Variants in SOX7 observed in about 807,000 individuals in gnomAD.
SOX7 encodes SRY-box transcription factor 7.
SOX7 carries 19 observed loss-of-function variants against 24.9 expected under a neutral mutation model. The ratio of observed to expected loss-of-function variants is 0.76; its 90% CI spans 0.53 to 1.12. The LOEUF is 1.12. Among genes scored for constraint, SOX7 ranks in the 50% most tolerant of loss-of-function variants. The pLI, the probability that SOX7 is intolerant of heterozygous loss-of-function variation, is 0.00. For missense variants in SOX7, 702 were observed against 535.0 expected, an observed-to-expected ratio of 1.31 and a Z score of -3.08; for synonymous variants, 327 against 244.5, an observed-to-expected ratio of 1.34 and a Z score of -3.15.
chr8:10,726,472 G>C lies in SOX7; in HGVS notation c.433C>G (p.Leu145Val), dbSNP rs1354021256. Residue 145 changes from leucine (L) to valine (V), a missense_variant, in exon 2 of 2, where the codon CTG becomes GTG. Leu to Val is a conservative substitution (Grantham distance 32). Transcript: ENST00000304501. Reference sequence around the variant, plus strand: ...CGGCTGCCGCTTCTCTTCTCCGGCAGGGCGTTCTGGTCCCGGGAGAGGGAG... The same window carrying C: ...CGGCTGCCGCTTCTCTTCTCCGGCACGGCGTTCTGGTCCCGGGAGAGGGAG... ...LSSLSRDQNALPEKRSGSRGA... is the reference protein window; with the variant it reads ...LSSLSRDQNAVPEKRSGSRGA... The C allele has an allele frequency of 1.9e-6, 3 of 1,612,334 alleles. No homozygotes were observed. The highest frequency in any genetic ancestry group is 2.5e-6 in the Non-Finnish European group (3 of 1,179,916).
rs553615726 is a variant in SOX7, at chr8:10,724,328, G to A, written c.*1410C>T. 6.6e-6 allele frequency: 1 copy of A among 152,340 alleles called. No homozygotes were observed. The highest frequency in any genetic ancestry group is 2.4e-5 in the African/African-American group (1 of 41,574). 9.4% of individuals were successfully genotyped at this position (152,340 alleles called of 1,614,324 possible). ...GACTTTGCCTGAGGACCTGGCTGGT[G>A]AGGAAGACAAATTCTCACAGCAGCT... On this transcript the variant is annotated 3_prime_UTR_variant, in exon 2 of 2. Transcript: ENST00000304501.
At chr8:10,726,762 A>G (rs1290023182) in intron 1 of SOX7, 96 bp from the exon 2 acceptor site, 2 of 1,121,154 alleles carry the variant, frequency 1.8e-6, no homozygotes, top group African/African-American at 1.6e-5. Context: ...ATGCACACAC[A>G]CCTCCCTTCC....
At position 10,726,469 on chromosome 8, in the gene SOX7, G is replaced by T; in HGVS notation, c.436C>A (p.Pro146Thr). 1 of 1,612,188 alleles carries T rather than the reference G, an allele frequency of 6.2e-7. No homozygotes were observed. Among genetic ancestry groups the T allele is most frequent in the African/African-American group, 1.3e-5 (1 of 75,026 alleles). Reference protein sequence around the residue: ...SSLSRDQNALPEKRSGSRGAL... With the variant: ...SSLSRDQNALTEKRSGSRGAL... ...CCCCGGCTGCCGCTTCTCTTCTCCG[G>T]CAGGGCGTTCTGGTCCCGGGAGAGG... is the stretch of plus-strand genomic sequence containing the variant. Residue 146 changes from proline (P) to threonine (T), a missense_variant, in exon 2 of 2, where the codon CCG (proline) becomes ACG (threonine). Coordinates refer to ENST00000304501, the MANE Select transcript of SOX7 (RefSeq NM_031439.4).
chr8:10,726,533 C>T lies in SOX7; in HGVS notation c.372G>A (p.Arg124=), dbSNP rs770335483. 1.4e-5 allele frequency: 23 copies of T among 1,612,456 alleles called. No homozygotes were observed. The highest frequency in any genetic ancestry group is 1.8e-5 in the Non-Finnish European group (21 of 1,179,978). ...YRPRRKKQAK[R]LCKRVDPGFL... ...AGCCCGGGTCCACGCGCTTGCACAGCCGCTTGGCCTGCTTCTTCCTGCGCG... is the reference window on the plus strand; with the variant it reads ...AGCCCGGGTCCACGCGCTTGCACAGTCGCTTGGCCTGCTTCTTCCTGCGCG... The change falls in exon 2 of 2, where the codon CGG becomes CGA. Residue 124 remains arginine, a synonymous_variant. Coordinates refer to ENST00000304501, the MANE Select transcript of SOX7 (RefSeq NM_031439.4).
rs1022838251 is a variant in SOX7, at chr8:10,723,947, A to G, written c.*1791T>C. The G allele has an allele frequency of 1.3e-5, 2 of 152,642 alleles. No homozygotes were observed. Among genetic ancestry groups the G allele is most frequent in the African/African-American group, 4.8e-5 (2 of 41,464 alleles). 9.5% of individuals were successfully genotyped at this position (152,642 alleles called of 1,614,324 possible). A position where few individuals can be genotyped will look rare whatever the true frequency, so the allele number is the denominator to read the frequency against. ...TGCGCATCAGTCAATCATATCATCA[A>G]CAATTTACTATTTATTACCAAATGG... On this transcript the variant is annotated 3_prime_UTR_variant, in exon 2 of 2. Coordinates refer to ENST00000304501, the MANE Select transcript of SOX7 (RefSeq NM_031439.4).
chr8:10,726,752 A>C, intron 1 of SOX7, 86 bp from the exon 2 acceptor site: 3 of 1,199,878 alleles, frequency 2.5e-6, no homozygotes, highest in Non-Finnish European at 3.5e-6. Flanking sequence ...ACACGTGCAC[A>C]TGCACACACA....
chr8:10,725,742 G>A lies in SOX7; in HGVS notation c.1163C>T (p.Ser388Leu). The stretch of plus-strand genomic sequence containing the variant: ...CCGGACGGGGCGCCTCCAGCTCTAT[G>A]ACACACTGTAGCTGTTGTAGTACGT... Reference protein sequence around the residue: ...TATYYNSYSVS With the variant: ...TATYYNSYSVL The change falls in exon 2 of 2, where the codon TCA (serine) becomes TTA (leucine). Residue 388 changes from serine (S) to leucine (L), a missense_variant. Coordinates refer to ENST00000304501, the MANE Select transcript of SOX7 (RefSeq NM_031439.4). 1 of 1,614,158 alleles carries A rather than the reference G, an allele frequency of 6.2e-7. No homozygotes were observed. Among genetic ancestry groups the A allele is most frequent in the Non-Finnish European group, 8.5e-7 (1 of 1,180,030 alleles).
chr8:10,725,645 G>T lies in SOX7; in HGVS notation c.*93C>A, dbSNP rs1023579837. 3.0e-5 allele frequency: 41 copies of T among 1,379,370 alleles called. 1 individual carries two copies. The Middle Eastern group carries it at 8.5e-4, about 29-fold the overall frequency. 85.4% of individuals were successfully genotyped at this position (1,379,370 alleles called of 1,614,324 possible). On this transcript the variant is annotated 3_prime_UTR_variant, in exon 2 of 2. Coordinates refer to ENST00000304501, the MANE Select transcript of SOX7 (RefSeq NM_031439.4). ...TCAGACCTCCCTGCCCTGAGCGGTG[G>T]GAGGAAAGCTGGTGTGGCTGGACGG...
Position 10,730,327 on chromosome 8 carries a change from G to T in SOX7, c.107C>A (p.Pro36Gln). ...GQSPPAVPRP[P>Q]GDKGSESRIR... The stretch of plus-strand genomic sequence containing the variant: ...ACGGCTCTCGGAGCCCTTGTCCCCC[G>T]GGGGCCGGGGGACGGCCGGCGGCGA... The change falls in exon 1 of 2, where the codon CCG becomes CAG. Residue 36 changes from proline to glutamine, a missense_variant. Physicochemically the swap from Pro to Gln is moderately conservative, Grantham distance 76. Coordinates refer to ENST00000304501, the MANE Select transcript of SOX7 (RefSeq NM_031439.4). This position sits in a 1 kb window ranked among gnomAD's most constrained non-coding sequence, Gnocchi z 4.8. 1 of 1,566,048 alleles carries T rather than the reference G, an allele frequency of 6.4e-7. No homozygotes were observed. Among genetic ancestry groups the T allele is most frequent in the Non-Finnish European group, 8.6e-7 (1 of 1,160,008 alleles).
Position 10,726,174 on chromosome 8 carries a change from G to T in SOX7, c.731C>A (p.Pro244Gln), listed in dbSNP as rs556957174. The stretch of plus-strand genomic sequence containing the variant: ...GTGGAGAGGGCTTGGGGCGTACTCC[G>T]GTGAGTACGGGTGCCCTGGCAGGTG... Reference protein sequence around the residue: ...IPHLPGHPYSPEYAPSPLHCS... With the variant: ...IPHLPGHPYSQEYAPSPLHCS... Residue 244 changes from proline (P) to glutamine (Q), a missense_variant, in exon 2 of 2, where the codon CCG becomes CAG. Coordinates refer to ENST00000304501, the MANE Select transcript of SOX7 (RefSeq NM_031439.4). 116 of 1,609,468 alleles carry T rather than the reference G, an allele frequency of 7.2e-5. 1 individual carries two copies. Among genetic ancestry groups the T allele is most frequent in the South Asian group, 6.5e-4 (59 of 90,138 alleles).
At chr8:10,726,725 T>G (rs1003104766) in intron 1 of SOX7, 59 bp from the exon 2 acceptor site, 1 of 1,401,660 alleles carries the variant, frequency 7.1e-7, no homozygotes, top group Non-Finnish European at 9.6e-7. Flanking sequence ...GCATCGCACA[T>G]GCACACGCGT....
In SOX7 at chr8:10,725,828, C is replaced by G. The variant is rs1800135432; in HGVS notation, c.1077G>C (p.Gln359His). The change falls in exon 2 of 2, where the codon CAG becomes CAC. Residue 359 changes from glutamine (Q) to histidine (H), a missense_variant. Coordinates refer to ENST00000304501, the MANE Select transcript of SOX7 (RefSeq NM_031439.4). ...MALSGHVPVSQVTPTGPTETS... is the reference protein window; with the variant it reads ...MALSGHVPVSHVTPTGPTETS... Reference sequence around the variant, plus strand: ...TCTCTGTGGGACCCGTTGGTGTCACCTGGGAGACCGGAACATGCCCACTGA... The same window carrying G: ...TCTCTGTGGGACCCGTTGGTGTCACGTGGGAGACCGGAACATGCCCACTGA... The G allele has an allele frequency of 6.2e-7, 1 of 1,614,072 alleles. No individual in the cohort carries two copies. The highest frequency in any genetic ancestry group is 8.5e-7 in the Non-Finnish European group (1 of 1,180,042).
rs967883525 is a variant in SOX7 at position 10,726,228 on chromosome 8, T to C, written c.677A>G (p.Glu226Gly). ...GATGCGGCGGGGATGGCCATGCTCCTCCTGGCAGGGGGAGGAGAAGAAGGT... is the reference window on the plus strand; with the variant it reads ...GATGCGGCGGGGATGGCCATGCTCCCCCTGGCAGGGGGAGGAGAAGAAGGT... Reference protein sequence around the residue: ...EQTFFSSPCQEEHGHPRRIPH... With the variant: ...EQTFFSSPCQGEHGHPRRIPH... The change falls in exon 2 of 2, where the codon GAG (glutamate) becomes GGG (glycine). Residue 226 changes from glutamate to glycine, a missense_variant. By Grantham distance (98) the Glu-to-Gly change is moderately conservative (BLOSUM62 -2). Transcript: ENST00000304501. The C allele has an allele frequency of 6.2e-7, 1 of 1,613,268 alleles. No homozygotes were observed. The highest frequency in any genetic ancestry group is 8.5e-7 in the Non-Finnish European group (1 of 1,179,732).
At chr8:10,729,867 G>C (rs1259619849) in intron 1 of SOX7, among the ~76,000 whole-genome samples, 1 of 151,930 alleles carries the variant, frequency 6.6e-6, no homozygotes, top group Non-Finnish European at 1.5e-5. Flanking sequence ...GTCCATGCAC[G>C]CCGGTCCCTG....
Position 10,725,869 on chromosome 8 carries a change from T to C in SOX7, c.1036A>G (p.Thr346Ala). 6.2e-7 allele frequency: 1 copy of C among 1,614,158 alleles called. No individual in the cohort carries two copies. Residue 346 changes from threonine to alanine, a missense_variant, in exon 2 of 2, where the codon ACA (threonine) becomes GCA (alanine). Transcript: ENST00000304501. ...TGCCCACTGAGGGCCATGGCCCCTG[T>C]GGCGGAGTCTGGGTGGCCAGGAGTG... ...LNTPGHPDSA[T>A]GAMALSGHVP...
At chr8:10,728,674 A>G (rs1352391156) in intron 1 of SOX7, among the ~76,000 whole-genome samples, 1 of 152,098 alleles carries the variant, frequency 6.6e-6, no homozygotes, top group Non-Finnish European at 1.5e-5. Flanking sequence ...CTTTCCTGGG[A>G]GCAGGCTTCC....
chr8:10,725,985 G>C lies in SOX7; in HGVS notation c.920C>G (p.Pro307Arg). The change falls in exon 2 of 2, where the codon CCT becomes CGT. Residue 307 changes from proline to arginine, a missense_variant. Pro to Arg is a moderately radical substitution (Grantham distance 103). Coordinates refer to ENST00000304501, the MANE Select transcript of SOX7 (RefSeq NM_031439.4). ...QAHLGQLSPP[P>R]EHPGFDALDQ... ...CAGGGCGTCGAAGCCAGGGTGCTCA[G>C]GAGGCGGGGAAAGCTGGCCCAGGTG... 1 of 1,603,094 alleles carries C rather than the reference G, an allele frequency of 6.2e-7. No homozygotes were observed. Among genetic ancestry groups the C allele is most frequent in the South Asian group, 1.1e-5 (1 of 89,242 alleles).
intron 1 of SOX7, among the ~76,000 whole-genome samples, chr8:10,728,587 T>C (rs1053054544): frequency 1.3e-5 from 2 of 152,174 alleles, no homozygotes; most frequent in African/African-American, 4.8e-5. Flanking sequence ...AACTGTAACC[T>C]CCTGAAGCTG....
In SOX7 at chr8:10,726,125, C is replaced by A; in HGVS notation, c.780G>T (p.Leu260=). 1 of 1,578,762 alleles carries A rather than the reference C, an allele frequency of 6.3e-7. No homozygotes were observed. The highest frequency in any genetic ancestry group is 1.2e-5 in the South Asian group (1 of 83,394). Residue 260 remains leucine, a synonymous_variant, in exon 2 of 2, where the codon CTG becomes CTT. Transcript: ENST00000304501. ...PLHCSHPLGS[L]ALGQSPGVSM... Reference sequence around the variant, plus strand: ...AGACGCCGGGGGACTGGCCAAGGGCCAGGGAGCCCAGGGGGTGGCTACAGT... The same window carrying A: ...AGACGCCGGGGGACTGGCCAAGGGCAAGGGAGCCCAGGGGGTGGCTACAGT...
Sources: allele counts gnomAD v4.1 joint callset (sites outside exome capture counted in the v4.1 genomes callset), GRCh38; gene constraint gnomAD v4.1.1; non-coding constraint Gnocchi (gnomAD v3.1); transcripts MANE v1.5; gene names NCBI Gene and HGNC (gene_info 2026-07-23, HGNC 2026-07-21).